Variants in MCPH1 observed in about 807,000 individuals in gnomAD.
MCPH1 encodes microcephalin.
MCPH1 carries 104 observed loss-of-function variants against 84.5 expected under a neutral mutation model. The ratio of observed to expected loss-of-function variants is 1.23; its 90% CI spans 1.05 to 1.45. The LOEUF is 1.45. Among genes scored for constraint, MCPH1 ranks in the 40% most tolerant of loss-of-function variants. The probability of loss-of-function intolerance (pLI) is 0.00; values close to 1 mark genes in which losing one functional copy is unlikely to be tolerated. For synonymous variants in MCPH1, 514 were observed against 366.8 expected (o/e 1.40, Z -4.58); for missense variants, 1,498 against 1,005.7 (o/e 1.49, Z -6.62).
intron 12 of MCPH1, among the ~76,000 whole-genome samples, chr8:6,555,897 T>A (rs560529019): frequency 6.6e-6 from 1 of 152,342 alleles, no homozygotes; most frequent in East Asian, 1.9e-4. Context: ...TGTTTTTGCT[T>A]GTTTTCCTAG....
At chr8:6,562,697 G>T in intron 12 of MCPH1, 2 of 1,610,436 alleles carry the variant, frequency 1.2e-6, no homozygotes, top group African/African-American at 1.3e-5. Context: ...AGCACTTGCA[G>T]CCTCTGCACC....
intron 7 of MCPH1, 83 bp downstream of exon 7, chr8:6,442,239 C>G: frequency 1.2e-6 from 1 of 823,256 alleles, no homozygotes; most frequent in Admixed American, 2.0e-5. Flanking sequence ...CATGTAGCAA[C>G]TTCTGATGAG....
intron 8 of MCPH1, among the ~76,000 whole-genome samples, chr8:6,454,420 C>T (rs567784560): frequency 1.2e-4 from 19 of 152,176 alleles, no homozygotes; most frequent in African/African-American, 3.4e-4. Flanking sequence ...CATGTTAGCT[C>T]CTCCTTCAAA....
At chr8:6,435,254 C>T (rs547076939) in intron 4 of MCPH1, among the ~76,000 whole-genome samples, 4 of 152,184 alleles carry the variant, frequency 2.6e-5, no homozygotes, top group Non-Finnish European at 4.4e-5. Context: ...GGGAGGATGA[C>T]GTGAGAATAG....
rs778043803 is a variant in MCPH1, at chr8:6,445,458, A to G, written c.1736A>G (p.Gln579Arg). The G allele has an allele frequency of 1.9e-6, 3 of 1,614,276 alleles. No individual in the cohort carries two copies. The highest frequency in any genetic ancestry group is 2.5e-6 in the Non-Finnish European group (3 of 1,180,062). ...KISNSSEGEA[Q>R]SEHEPCFIVD... The stretch of plus-strand genomic sequence containing the variant: ...TCAAACTCCTCTGAAGGCGAAGCCC[A>G]GAGTGAACATGAGCCATGTTTTATA... The change falls in exon 8 of 14, where the codon CAG (glutamine) becomes CGG (arginine). Residue 579 changes from glutamine (Q) to arginine (R), a missense_variant. Coordinates refer to ENST00000344683, the MANE Select transcript of MCPH1 (RefSeq NM_024596.5).
intron 3 of MCPH1, among the ~76,000 whole-genome samples, chr8:6,423,193 T>C (rs1381203164): frequency 7.8e-5 from 11 of 141,104 alleles, no homozygotes; most frequent in Admixed American, 7.6e-4. Flanking sequence ...TTCTTTTCTT[T>C]TTTTTTTTTT....
intron 12 of MCPH1, among the ~76,000 whole-genome samples, chr8:6,523,529 C>T (rs540534204): frequency 1.3e-5 from 2 of 152,306 alleles, no homozygotes; most frequent in South Asian, 4.1e-4. Flanking sequence ...AGAATGTTAA[C>T]TGTTTCCCAG....
Position 6,610,709 on chromosome 8 carries a change from GTTATC to G in MCPH1, c.2215-10742_2215-10738del, listed in dbSNP as rs551713842. On this transcript the variant is annotated intron_variant, in intron 12 of 13. Transcript: ENST00000344683. ...AAAAGAAGGATGCATTTTCAAGTCTGTTATCTTTACTTTCCCAGAGCCTGGGGGTC... is the reference window on the plus strand; with the variant it reads ...AAAAGAAGGATGCATTTTCAAGTCTGTTTACTTTCCCAGAGCCTGGGGGTC... Among the ~76,000 whole-genome samples the G allele has an allele frequency of 2.0e-5, 3 of 152,194 alleles. No homozygotes were observed. In the South Asian group the frequency reaches 6.2e-4, roughly 32 times the overall value.
chr8:6,444,585 C>A lies in MCPH1; in HGVS notation c.863C>A (p.Pro288His), dbSNP rs35590577. Residue 288 changes from proline (P) to histidine (H), a missense_variant, in exon 8 of 14, where the codon CCT becomes CAT. By Grantham distance (77) the Pro-to-His change is moderately conservative. Transcript: ENST00000344683. ...TTCACTCACCTCGATAAATCAAGTC[C>A]TCAGAAATTTCTGAGTAATCTTTCA... ...PSFTHLDKSS[P>H]QKFLSNLSKE... 0.022 allele frequency: 35,078 copies of A among 1,614,020 alleles called. 1,688 individuals carry two copies. Among genetic ancestry groups the A allele is most frequent in the African/African-American group, 0.2 (14,637 of 74,952 alleles).
chr8:6,555,800 G>C (rs1208729993), intron 12 of MCPH1, among the ~76,000 whole-genome samples: 1 of 152,176 alleles, frequency 6.6e-6, no homozygotes, highest in African/African-American at 2.4e-5. Context: ...CGATTAAATA[G>C]TTGTACCAAT....
chr8:6,628,752 C>T (rs1195814351), intron 13 of MCPH1, among the ~76,000 whole-genome samples: 3 of 152,208 alleles, frequency 2.0e-5, no homozygotes, highest in Non-Finnish European at 2.9e-5. Context: ...CCAAGTGTGT[C>T]ACAGCTGCCT....
chr8:6,434,894 C>A (rs1456038720), intron 4 of MCPH1, among the ~76,000 whole-genome samples: 7 of 152,056 alleles, frequency 4.6e-5, no homozygotes, highest in Non-Finnish European at 1.0e-4. Context: ...TAGGTAAAAT[C>A]GATGTGAAGT....
In MCPH1 at chr8:6,442,361, C is replaced by T. The variant is rs1011920187; in HGVS notation, c.670+205C>T. ...TTTTGGTTCCTATAGGTTTTTTTTC[C>T]TAGGCATTTGCTTTCTTGCTACAGA... On this transcript the variant is annotated intron_variant, in intron 7 of 13. Coordinates refer to ENST00000344683, the MANE Select transcript of MCPH1 (RefSeq NM_024596.5). 1.3e-4 allele frequency among the ~76,000 whole-genome samples: 20 copies of T among 151,478 alleles called. 1 individual carries two copies. Among genetic ancestry groups the T allele is most frequent in the African/African-American group, 4.8e-4 (20 of 41,290 alleles).
At chr8:6,475,609 C>T (rs997105981) in intron 9 of MCPH1, among the ~76,000 whole-genome samples, 6 of 152,094 alleles carry the variant, frequency 3.9e-5, no homozygotes, top group East Asian at 1.9e-4. Context: ...AGAGGGAGGG[C>T]GCCATGAGTC....
Position 6,444,611 on chromosome 8 carries a change from A to G in MCPH1, c.889A>G (p.Lys297Glu). Residue 297 changes from lysine (K) to glutamate (E), a missense_variant, in exon 8 of 14, where the codon AAG becomes GAG. By Grantham distance (56) the Lys-to-Glu change is moderately conservative. Transcript: ENST00000344683. ...SPQKFLSNLS[K>E]EEINLQRNIA... ...TCAGAAATTTCTGAGTAATCTTTCA[A>G]AGGAAGAAATAAACTTGCAAAGAAA... 3 of 1,614,198 alleles carry G rather than the reference A, an allele frequency of 1.9e-6. No homozygotes were observed. The highest frequency in any genetic ancestry group is 2.7e-5 in the African/African-American group (2 of 75,048).
At chr8:6,408,533 C>G (rs1003445519) in intron 1 of MCPH1, among the ~76,000 whole-genome samples, 5 of 151,264 alleles carry the variant, frequency 3.3e-5, no homozygotes, top group Admixed American at 6.6e-5. Flanking sequence ...GTAGAAGAAA[C>G]TTCATTTACT....
intron 11 of MCPH1, among the ~76,000 whole-genome samples, chr8:6,482,498 C>T (rs1025117595): frequency 6.6e-6 from 1 of 152,200 alleles, no homozygotes; most frequent in East Asian, 1.9e-4. Flanking sequence ...CAATTCAAAT[C>T]GTCTCTGTGT....
At chr8:6,543,628 A>G (rs1822005520) in intron 12 of MCPH1, among the ~76,000 whole-genome samples, 1 of 152,188 alleles carries the variant, frequency 6.6e-6, no homozygotes, top group Non-Finnish European at 1.5e-5. Context: ...GTGTTCATAA[A>G]GCTGTAGGTG....
chr8:6,523,772 A>C (rs1299486565), intron 12 of MCPH1, among the ~76,000 whole-genome samples: 1 of 152,124 alleles, frequency 6.6e-6, no homozygotes, highest in Admixed American at 6.5e-5. Context: ...TATTTTTAGT[A>C]GAGACGTGGT....
Sources: allele counts gnomAD v4.1 joint callset (sites outside exome capture counted in the v4.1 genomes callset), GRCh38; gene constraint gnomAD v4.1.1; transcripts MANE v1.5; gene names NCBI Gene and HGNC (gene_info 2026-07-23, HGNC 2026-07-21).